Variants in PDE8B observed in about 807,000 individuals in gnomAD.
The protein encoded by PDE8B is phosphodiesterase 8B, also known as high affinity cAMP-specific and IBMX-insensitive 3',5'-cyclic phosphodiesterase 8B.
PDE8B carries 26 observed loss-of-function variants against 101.3 expected under a neutral mutation model. The ratio of observed to expected loss-of-function variants is 0.26; its 90% CI spans 0.19 to 0.36. PDE8B has a LOEUF of 0.36. PDE8B is among the 10% of genes least tolerant of loss of function. The probability of loss-of-function intolerance (pLI) is 1.00; values close to 1 mark genes in which losing one functional copy is unlikely to be tolerated. For synonymous variants in PDE8B, 424 were observed against 429.3 expected (o/e 0.99, Z 0.15); for missense variants, 810 against 1,163.1 (o/e 0.70, Z 4.42).
chr5:77,232,939 A>G (rs533486180), intron 1 of PDE8B, among the ~76,000 whole-genome samples: 1 of 152,362 alleles, frequency 6.6e-6, no homozygotes, highest in East Asian at 1.9e-4. Context: ...TGCTGTAAGT[A>G]GCGAATCCTT....
chr5:77,227,181 G>A (rs184648050), intron 1 of PDE8B, among the ~76,000 whole-genome samples: 1 of 152,202 alleles, frequency 6.6e-6, no homozygotes, highest in African/African-American at 2.4e-5. Flanking sequence ...ATGCATAGAT[G>A]TATATTCTTT....
At chr5:77,157,391 G>A in the PDE8B span, among the ~76,000 whole-genome samples, 3,644 of 152,288 alleles carry the variant, frequency 0.024, 151 homozygotes, top group African/African-American at 0.083. Context: ...CATCCCAGCA[G>A]GTGAGAGCCA....
the PDE8B span, among the ~76,000 whole-genome samples, chr5:77,103,390 G>A: frequency 6.6e-6 from 1 of 152,076 alleles, no homozygotes; most frequent in African/African-American, 2.4e-5. Context: ...CAACACGATG[G>A]GATATTTTTT....
chr5:77,222,147 C>T lies in PDE8B; in HGVS notation c.339+10883C>T, dbSNP rs566602596. 2.0e-5 allele frequency among the ~76,000 whole-genome samples: 3 copies of T among 152,306 alleles called. No homozygotes were observed. The South Asian group carries it at 6.2e-4, about 32-fold the overall frequency. ...GCTTGAATTCCAGCTCTGCCCTGTA[C>T]AAACTTTGTGACTTTGGAGAAGCTG... On this transcript the variant is annotated intron_variant, in intron 1 of 21. Transcript: ENST00000264917.
intron 6 of PDE8B, among the ~76,000 whole-genome samples, chr5:77,338,398 G>A (rs1226842940): frequency 6.6e-6 from 1 of 152,180 alleles, no homozygotes; most frequent in African/African-American, 2.4e-5. Flanking sequence ...AAGAAATAAA[G>A]TGTGGGGATA....
intron 1 of PDE8B, among the ~76,000 whole-genome samples, chr5:77,260,575 G>T (rs1760332073): frequency 6.8e-6 from 1 of 146,864 alleles, no homozygotes. Flanking sequence ...AATTTTCACT[G>T]TGGCTCATTT....
chr5:77,382,514 G>T (rs530548526), intron 10 of PDE8B, among the ~76,000 whole-genome samples: 1 of 152,066 alleles, frequency 6.6e-6, no homozygotes, highest in African/African-American at 2.4e-5. Flanking sequence ...CATGTGCCAT[G>T]GTGGTTTCCT....
At chr5:77,291,376 G>C (rs1479262638) in intron 1 of PDE8B, 20 of 1,611,848 alleles carry the variant, frequency 1.2e-5, no homozygotes, top group Non-Finnish European at 1.6e-5. Flanking sequence ...GTGGTCTATG[G>C]GGGCAAGGTT....
At chr5:77,143,152 T>C in the PDE8B span, among the ~76,000 whole-genome samples, 1 of 152,198 alleles carries the variant, frequency 6.6e-6, no homozygotes, top group African/African-American at 2.4e-5. Flanking sequence ...TAATGTTCCC[T>C]ATGTGCGGCT....
chr5:77,327,032 C>A (rs964668076), intron 3 of PDE8B, among the ~76,000 whole-genome samples: 4 of 152,164 alleles, frequency 2.6e-5, no homozygotes, highest in African/African-American at 9.7e-5. Context: ...AAACCAATAG[C>A]GGTCTATGCA....
At chr5:77,328,926 A>G in intron 3 of PDE8B, 72 bp from the exon 4 acceptor site, 2 of 1,121,420 alleles carry the variant, frequency 1.8e-6, no homozygotes, top group Admixed American at 1.7e-5. Context: ...TTTCAGTGTG[A>G]AGAAGTTCCA....
chr5:77,291,389 G>A (rs999183847), intron 1 of PDE8B: 1 of 1,611,694 alleles, frequency 6.2e-7, no homozygotes, highest in East Asian at 2.2e-5. Context: ...GCAAGGTTAT[G>A]GATCGCCCTG....
At chr5:77,140,465 A>G in the PDE8B span, 1 of 152,200 alleles carries the variant, frequency 6.6e-6, no homozygotes, top group Non-Finnish European at 1.5e-5. Flanking sequence ...AACCCTGCAG[A>G]GGCTACAGTG....
chr5:77,181,014 C>G, the PDE8B span, among the ~76,000 whole-genome samples: 4 of 149,772 alleles, frequency 2.7e-5, no homozygotes, highest in Non-Finnish European at 5.9e-5. Context: ...GCGCGCGCAC[C>G]TCAGTGCCTA....
At chr5:77,131,684 TG>T in the PDE8B span, among the ~76,000 whole-genome samples, 6 of 152,346 alleles carry the variant, frequency 3.9e-5, no homozygotes, top group East Asian at 1.2e-3. Context: ...TGATATGAAT[TG>T]GGTACAAAAT....
chr5:77,290,180 A>G, intron 1 of PDE8B: 1 of 1,483,182 alleles, frequency 6.7e-7, no homozygotes, highest in South Asian at 1.2e-5. Flanking sequence ...ATTAAAAACC[A>G]TTGATGTGGC....
At chr5:77,361,319 A>C (rs1783052127) in intron 10 of PDE8B, among the ~76,000 whole-genome samples, 1 of 152,244 alleles carries the variant, frequency 6.6e-6, no homozygotes, top group Non-Finnish European at 1.5e-5. Flanking sequence ...AAAATGATGA[A>C]GAAAATGTTA....
At chr5:77,425,746 T>A in intron 20 of PDE8B, 21 bp from the exon 21 acceptor site, 2 of 1,612,182 alleles carry the variant, frequency 1.2e-6, no homozygotes, top group South Asian at 2.2e-5. Flanking sequence ...TCCAGCCCTA[T>A]GTGGTGGTTT....
intron 1 of PDE8B, among the ~76,000 whole-genome samples, chr5:77,223,890 G>A (rs905604566): frequency 1.3e-5 from 2 of 152,196 alleles, no homozygotes; most frequent in African/African-American, 4.8e-5. Flanking sequence ...GTGGGCTGGC[G>A]GGTGTCAGCC....
Sources: gnomAD v4.1 joint callset for allele counts (sites outside exome capture counted in the v4.1 genomes callset) on GRCh38, gnomAD v4.1.1 for gene constraint, MANE v1.5 for transcripts, NCBI Gene and HGNC (gene_info 2026-07-23, HGNC 2026-07-21) for gene names.